CPLANE1: variants seen among roughly 807,000 people sequenced by gnomAD.
The protein encoded by CPLANE1 is ciliogenesis and planar polarity effector 1.
Under a neutral mutation model 362.5 loss-of-function variants are expected in CPLANE1, and 263 were observed. The observed-to-expected ratio is 0.73, with a 90% confidence interval of 0.66 to 0.80. The LOEUF is 0.80. Ranked by LOEUF, CPLANE1 falls within the 30% of genes least tolerant of loss-of-function variation. The pLI is 0.00. For missense variants in CPLANE1, 3,461 were observed against 3,793.4 expected, an observed-to-expected ratio of 0.91 and a Z score of 2.30; for synonymous variants, 1,212 against 1,302.6, an observed-to-expected ratio of 0.93 and a Z score of 1.50.
In CPLANE1 at chr5:37,170,257, T is replaced by C; in HGVS notation, c.6246A>G (p.Gln2082=). The C allele has an allele frequency of 6.2e-7, 1 of 1,614,134 alleles. No individual in the cohort carries two copies. The highest frequency in any genetic ancestry group is 8.5e-7 in the Non-Finnish European group (1 of 1,179,966). The part of the protein sequence containing the change: ...SSFANLPDTQ[Q]LVQQSQSVHL... ...GCACAGACTGAGACTGCTGTACAAG[T>C]TGTTGTGTATCTGGGAGATTAGCAA... Residue 2082 remains glutamine, a synonymous_variant, in exon 33 of 53, where the codon CAA becomes CAG. Coordinates refer to ENST00000651892, the MANE Select transcript of CPLANE1 (RefSeq NM_001384732.1).
At chr5:37,188,725 T>C (rs1351058046) in intron 21 of CPLANE1, among the ~76,000 whole-genome samples, 14 of 152,218 alleles carry the variant, frequency 9.2e-5, no homozygotes, top group Non-Finnish European at 2.9e-5. Context: ...CACGCTTCTT[T>C]CTAGCAGCAC....
In CPLANE1 at chr5:37,170,048, T is replaced by C; in HGVS notation, c.6455A>G (p.Asn2152Ser). Reference sequence around the variant, plus strand: ...TATTTTTACATACATTACCTGTACGTTTCCAGTACTATTTTGACCAGATGG... The same window carrying C: ...TATTTTTACATACATTACCTGTACGCTTCCAGTACTATTTTGACCAGATGG... ...TIPSGQNSTG[N>S]VQNVPHGSIP... is the part of the protein sequence containing the mutation. The change falls in exon 33 of 53, where the codon AAC becomes AGC. Residue 2152 changes from asparagine to serine, a missense_variant. Asn to Ser is a conservative substitution (Grantham distance 46). Transcript: ENST00000651892. 6.2e-7 allele frequency: 1 copy of C among 1,613,740 alleles called. No individual in the cohort carries two copies. Among genetic ancestry groups the C allele is most frequent in the Non-Finnish European group, 8.5e-7 (1 of 1,179,842 alleles).
chr5:37,208,404 G>A (rs1486387612), intron 16 of CPLANE1, among the ~76,000 whole-genome samples: 2 of 152,252 alleles, frequency 1.3e-5, no homozygotes, highest in African/African-American at 2.4e-5. Flanking sequence ...GAGGCCGGGA[G>A]CGGTGGCTCA....
chr5:37,199,679 T>C (rs1049691856), intron 19 of CPLANE1, among the ~76,000 whole-genome samples: 7 of 152,200 alleles, frequency 4.6e-5, no homozygotes, highest in African/African-American at 1.7e-4. Context: ...AATGAGATAA[T>C]GTGAGCATTG....
chr5:37,122,287 T>C lies in CPLANE1; in HGVS notation c.9017+143A>G, dbSNP rs1579897476. On this transcript the variant is annotated intron_variant, in intron 48 of 52. Coordinates refer to ENST00000651892, the MANE Select transcript of CPLANE1 (RefSeq NM_001384732.1). ...AAAAAAGGCTAGTGAGTCTCATCAT[T>C]TTCCTTGCAGTGATAACTCCCATAA... 24 of 686,324 alleles carry C rather than the reference T, an allele frequency of 3.5e-5. No homozygotes were observed. The East Asian group carries it at 6.8e-4, about 20-fold the overall frequency. 42.5% of individuals were successfully genotyped at this position (686,324 alleles called of 1,614,324 possible).
At chr5:37,169,642 G>C in intron 33 of CPLANE1, 81 bp from the exon 34 acceptor site, 2 of 1,234,984 alleles carry the variant, frequency 1.6e-6, no homozygotes, top group Non-Finnish European at 2.3e-6. Context: ...AGTATGTTTT[G>C]CAGTGGGTAG....
At chr5:37,103,021 C>CT (rs1408724237), downstream of CPLANE1, among the ~76,000 whole-genome samples, 2 of 152,178 alleles carry the variant, frequency 1.3e-5, no homozygotes, top group East Asian at 3.8e-4. Context: ...GTGTGGGAAT[C>CT]TAAGTCTCTT....
intron 51 of CPLANE1, among the ~76,000 whole-genome samples, chr5:37,113,409 C>T (rs1759916331): frequency 1.3e-5 from 2 of 152,184 alleles, no homozygotes; most frequent in African/African-American, 4.8e-5. Context: ...GCCTCCACAG[C>T]CATGTGAAAC....
Position 37,153,884 on chromosome 5 carries a change from T to G in CPLANE1, c.8229A>C (p.Ala2743=), listed in dbSNP as rs1166317036. The G allele has an allele frequency of 6.2e-7, 1 of 1,614,140 alleles. No homozygotes were observed. The highest frequency in any genetic ancestry group is 8.5e-7 in the Non-Finnish European group (1 of 1,180,012). The change falls in exon 42 of 53, where the codon GCA becomes GCC. Residue 2743 remains alanine (A), a synonymous_variant. Transcript: ENST00000651892. ...RLQGVSAACP[A]PSSAAHQLEH... is the part of the protein sequence containing the mutation. ...CTAGTTGGTGAGCTGCAGAGCTTGG[T>G]GCAGGGCAAGCTGCAGAGACACCTT...
intron 26 of CPLANE1, among the ~76,000 whole-genome samples, chr5:37,182,513 T>G (rs1318072414): frequency 2.0e-5 from 3 of 152,062 alleles, no homozygotes; most frequent in African/African-American, 7.3e-5. Flanking sequence ...TAAAATTATC[T>G]CCTTCCTTTT....
At chr5:37,240,591 T>C (rs1200561311) in intron 6 of CPLANE1, among the ~76,000 whole-genome samples, 8 of 152,154 alleles carry the variant, frequency 5.3e-5, no homozygotes. Context: ...AACTCATTAC[T>C]GTAAGCAGAA....
At chr5:37,121,977 T>TAA (rs1762786726) in intron 48 of CPLANE1, among the ~76,000 whole-genome samples, 193 bp from the exon 49 acceptor site, 1 of 151,918 alleles carries the variant, frequency 6.6e-6, no homozygotes, top group Admixed American at 6.6e-5. Context: ...CCTCCCGAGT[T>TAA]CAAGCAATTC....
intron 21 of CPLANE1, among the ~76,000 whole-genome samples, chr5:37,192,156 T>C (rs1046157596): frequency 6.6e-6 from 1 of 152,234 alleles, no homozygotes; most frequent in African/African-American, 2.4e-5. Context: ...TATACAAATA[T>C]TTACCATTGT....
Position 37,168,872 on chromosome 5 carries a change from T to C in CPLANE1, c.7152A>G (p.Ser2384=). The change falls in exon 34 of 53, where the codon TCA becomes TCG. Residue 2384 remains serine (S), a synonymous_variant. Transcript: ENST00000651892. ...CTTCTGCTATAGGTTGGATAGGTGT[T>C]GAGGGAACTGTAATAGATGCTCTTG... ...STSRASITVP[S]TPIQPIAEER... is the part of the protein sequence containing the mutation. 1 of 1,614,092 alleles carries C rather than the reference T, an allele frequency of 6.2e-7. No homozygotes were observed. Among genetic ancestry groups the C allele is most frequent in the South Asian group, 1.1e-5 (1 of 91,090 alleles).
intron 16 of CPLANE1, chr5:37,210,871 G>T: frequency 1.2e-6 from 1 of 800,708 alleles, no homozygotes; most frequent in South Asian, 1.3e-5. Context: ...TTCGAAAGCC[G>T]CAAACAAGCT....
In CPLANE1 at chr5:37,158,223, C is replaced by CTT; in HGVS notation, c.7812_7812+1insAA (p.Val2605LysfsTer7). ...TTAAAACTTCTGAATAAAACACAAA[C>CTT]CAAGTTTGTTACTGTATGAGGTATT... On this transcript the variant is annotated frameshift_variant and splice_region_variant. Coordinates refer to ENST00000651892, the MANE Select transcript of CPLANE1 (RefSeq NM_001384732.1). LOFTEE classifies it high-confidence loss of function. 6.2e-7 allele frequency: 1 copy of CTT among 1,612,994 alleles called. No homozygotes were observed. The highest frequency in any genetic ancestry group is 8.5e-7 in the Non-Finnish European group (1 of 1,179,422).
intron 41 of CPLANE1, among the ~76,000 whole-genome samples, chr5:37,154,459 C>CTTTTTTTTTTTTTTTTTTTTTTTTTTTT (rs35522666): frequency 1.2e-5 from 1 of 84,576 alleles, no homozygotes; most frequent in Admixed American, 1.4e-4. Context: ...TGCAATAGTT[C>CTTTTTTTTTTTTTTTTTTTTTTTTTTTT]TTTTTTTTTT....
At chr5:37,211,852 A>C in intron 16 of CPLANE1, 1 of 790,850 alleles carries the variant, frequency 1.3e-6, no homozygotes, top group African/African-American at 1.7e-5. Context: ...TCATCTTTTG[A>C]ATATGCACGG....
At chr5:37,103,647 A>G (rs758246644), downstream of CPLANE1, among the ~76,000 whole-genome samples, 5 of 152,322 alleles carry the variant, frequency 3.3e-5, no homozygotes, top group South Asian at 1.0e-3. Flanking sequence ...GCCGGATATG[A>G]AATTCTGGGT....
Sources: allele counts gnomAD v4.1 joint callset (sites outside exome capture counted in the v4.1 genomes callset), GRCh38; gene constraint gnomAD v4.1.1; transcripts MANE v1.5; gene names NCBI Gene and HGNC (gene_info 2026-07-23, HGNC 2026-07-21).